The following TMEM214 variants were observed in gnomAD, a reference collection of about 807,000 sequenced individuals.
TMEM214 encodes transmembrane protein 214.
A neutral mutation model predicts 89.8 loss-of-function variants in TMEM214; 71 were observed. The ratio of observed to expected loss-of-function variants is 0.79; its 90% CI spans 0.65 to 0.96. The LOEUF is 0.96. Ranked by LOEUF, TMEM214 falls within the 40% of genes least tolerant of loss-of-function variation. TMEM214 has a pLI of 0.00. For missense variants in TMEM214, 754 were observed against 843.4 expected, an observed-to-expected ratio of 0.89 and a Z score of 1.31; for synonymous variants, 332 against 349.5, an observed-to-expected ratio of 0.95 and a Z score of 0.56.
rs2148248067 is a variant in TMEM214 at position 27,039,097 on chromosome 2, C to T, written c.1458C>T (p.Leu486=). The T allele has an allele frequency of 2.5e-6, 4 of 1,613,828 alleles. No individual in the cohort carries two copies. The East Asian group carries it at 6.7e-5, about 27-fold the overall frequency. ...QGPRLPWTRL[L]LLLLVFAVGF... is the part of the protein sequence containing the mutation. Reference sequence around the variant, plus strand: ...CTCGGCTGCCCTGGACGCGGCTCCTCCTGTTGCTGCTGGTCTTCGCTGTAG... The same window carrying T: ...CTCGGCTGCCCTGGACGCGGCTCCTTCTGTTGCTGCTGGTCTTCGCTGTAG... Residue 486 remains leucine, a synonymous_variant, in exon 13 of 17, where the codon CTC becomes CTT. Coordinates refer to ENST00000238788, the MANE Select transcript of TMEM214 (RefSeq NM_017727.5).
chr2:27,034,091 T>C lies in TMEM214; in HGVS notation c.176T>C (p.Leu59Pro). ...GCTGCAATCCAGACCACAAGCACCC[T>C]TTATGAGCGGGGCTTTGAGAATATC... ...LTPAIQTTSTLYERGFENIMK... is the reference protein window; with the variant it reads ...LTPAIQTTSTPYERGFENIMK... Residue 59 changes from leucine to proline, a missense_variant, in exon 2 of 17, where the codon CTT (leucine) becomes CCT (proline). Leu to Pro is a moderately conservative substitution (Grantham distance 98, BLOSUM62 -3). Coordinates refer to ENST00000238788, the MANE Select transcript of TMEM214 (RefSeq NM_017727.5). 1 of 1,614,066 alleles carries C rather than the reference T, an allele frequency of 6.2e-7. No individual in the cohort carries two copies. The highest frequency in any genetic ancestry group is 8.5e-7 in the Non-Finnish European group (1 of 1,180,008).
chr2:27,039,813 A>C lies in TMEM214; in HGVS notation c.1598A>C (p.Tyr533Ser), dbSNP rs371208030. Reference sequence around the variant, plus strand: ...AGCCAACAAGCGTGTGCCAAGCTCTACTCCTACAGTCTGCAAGGCTACAGG... The same window carrying C: ...AGCCAACAAGCGTGTGCCAAGCTCTCCTCCTACAGTCTGCAAGGCTACAGG... ...PASQQACAKLYSYSLQGYSWL... is the reference protein window; with the variant it reads ...PASQQACAKLSSYSLQGYSWL... The change falls in exon 14 of 17, where the codon TAC (tyrosine) becomes TCC (serine). Residue 533 changes from tyrosine to serine, a missense_variant. Physicochemically the swap from Tyr to Ser is moderately radical, Grantham distance 144. Transcript: ENST00000238788. 3 of 1,613,882 alleles carry C rather than the reference A, an allele frequency of 1.9e-6. No individual in the cohort carries two copies. The highest frequency in any genetic ancestry group is 1.3e-5 in the African/African-American group (1 of 74,852).
chr2:27,033,216 T>C, intron 1 of TMEM214, 50 bp downstream of exon 1: 1 of 1,243,566 alleles, frequency 8.0e-7, no homozygotes, highest in Non-Finnish European at 1.0e-6. Flanking sequence ...TCCGGCAGGG[T>C]CGCAGCGAGC....
rs200582235 is a variant in TMEM214, at chr2:27,035,601, C to G, written c.510C>G (p.Pro170=). 496 of 1,614,198 alleles carry G rather than the reference C, an allele frequency of 3.1e-4. 10 individuals are homozygous for G. In the South Asian group the frequency reaches 5.1e-3, roughly 17 times the overall value. The change falls in exon 4 of 17, where the codon CCC becomes CCG. Residue 170 remains proline (P), a synonymous_variant. Transcript: ENST00000238788. ...GAGGCCTATGGGCCTTAGATTATCC[C>G]TACAGCCTGGTGAGCCGGGAGCTAC... is the stretch of plus-strand genomic sequence containing the variant. ...PTLSQHTHDY[P]YSLVSRELRG...
intron 2 of TMEM214, 45 bp downstream of exon 2, chr2:27,034,311 G>A (rs1029212891): frequency 6.3e-7 from 1 of 1,598,264 alleles, no homozygotes; most frequent in Non-Finnish European, 8.5e-7. Context: ...GGGGGCTTGA[G>A]ATTTAGAGAA....
In TMEM214 at chr2:27,035,628, T is replaced by C. The variant is rs2148241351; in HGVS notation, c.537T>C (p.Arg179=). ...YPYSLVSREL[R]GIIRGLLAKA... ...ACAGCCTGGTGAGCCGGGAGCTACG[T>C]GGGATCATCCGAGGGCTGCTGGCGA... Residue 179 remains arginine (R), a synonymous_variant, in exon 4 of 17, where the codon CGT becomes CGC. Transcript: ENST00000238788. 1 of 1,614,186 alleles carries C rather than the reference T, an allele frequency of 6.2e-7. No individual in the cohort carries two copies. Among genetic ancestry groups the C allele is most frequent in the East Asian group, 2.2e-5 (1 of 44,878 alleles).
At chr2:27,040,221 A>C in intron 15 of TMEM214, 23 bp downstream of exon 15, 1 of 1,605,146 alleles carries the variant, frequency 6.2e-7, no homozygotes, top group Non-Finnish European at 8.5e-7. Flanking sequence ...CAGGGAGTCA[A>C]ATAAGGGGCT....
At position 27,034,176 on chromosome 2, in the gene TMEM214, G is replaced by A. The variant is rs374840990; in HGVS notation, c.261G>A (p.Gly87=). ...PPPAVEPKKP[G]NKKQPKKVAT... Reference sequence around the variant, plus strand: ...CTGCTGTGGAACCTAAGAAACCAGGGAACAAGAAGCAGCCAAAGAAGGTGG... The same window carrying A: ...CTGCTGTGGAACCTAAGAAACCAGGAAACAAGAAGCAGCCAAAGAAGGTGG... The change falls in exon 2 of 17, where the codon GGG becomes GGA. Residue 87 remains glycine, a synonymous_variant. Transcript: ENST00000238788. The A allele has an allele frequency of 3.5e-5, 56 of 1,614,168 alleles. No homozygotes were observed. The African/African-American group carries it at 6.9e-4, about 20-fold the overall frequency.
chr2:27,039,929 A>G lies in TMEM214; in HGVS notation c.1622+92A>G, dbSNP rs539865014. Reference sequence around the variant, plus strand: ...CGACAGTCAGTGGGAAGCGCTTGTGATTCTCCTTTCCCACGGCCTCCCTTT... The same window carrying G: ...CGACAGTCAGTGGGAAGCGCTTGTGGTTCTCCTTTCCCACGGCCTCCCTTT... On this transcript the variant is annotated intron_variant, in intron 14 of 16. Transcript: ENST00000238788. 8 of 1,597,354 alleles carry G rather than the reference A, an allele frequency of 5.0e-6. No individual in the cohort carries two copies. In the South Asian group the frequency reaches 7.7e-5, roughly 15 times the overall value.
In TMEM214 at chr2:27,038,295, T is replaced by C; in HGVS notation, c.1244+58T>C. 1 of 1,592,152 alleles carries C rather than the reference T, an allele frequency of 6.3e-7. No individual in the cohort carries two copies. Among genetic ancestry groups the C allele is most frequent in the Non-Finnish European group, 8.6e-7 (1 of 1,161,492 alleles). On this transcript the variant is annotated intron_variant, in intron 10 of 16. Transcript: ENST00000238788. This position sits in a 1 kb window ranked among gnomAD's most constrained non-coding sequence, Gnocchi z 4.4. Reference sequence around the variant, plus strand: ...GCTAGAAGCAGAAGGGGAGCCTGGGTCACTGTCCCATGGCCTGACACCTTT... The same window carrying C: ...GCTAGAAGCAGAAGGGGAGCCTGGGCCACTGTCCCATGGCCTGACACCTTT...
chr2:27,038,114 C>A lies in TMEM214; in HGVS notation c.1153-32C>A, dbSNP rs756191712. Reference sequence around the variant, plus strand: ...CCCCGCCTCTGCCAGCCCCATGCCCCCAGCAGCCTCTCCCTCTGTCGTGCT... The same window carrying A: ...CCCCGCCTCTGCCAGCCCCATGCCCACAGCAGCCTCTCCCTCTGTCGTGCT... On this transcript the variant is annotated intron_variant, in intron 9 of 16. Transcript: ENST00000238788. This position sits in a 1 kb window ranked among gnomAD's most constrained non-coding sequence, Gnocchi z 4.4. The A allele has an allele frequency of 1.2e-5, 19 of 1,613,920 alleles. No homozygotes were observed. In the East Asian group the frequency reaches 4.2e-4, roughly 36 times the overall value.
chr2:27,037,493 A>C lies in TMEM214; in HGVS notation c.1011-68A>C, dbSNP rs143892431. 10,684 of 1,599,954 alleles carry C rather than the reference A, an allele frequency of 6.7e-3. 43 individuals are homozygous for C. Among genetic ancestry groups the C allele is most frequent in the Non-Finnish European group, 8.0e-3 (9,303 of 1,168,998 alleles). On this transcript the variant is annotated intron_variant, in intron 8 of 16. Transcript: ENST00000238788. Reference sequence around the variant, plus strand: ...ACAGGCAGGCATGGGCTCTGAAGCAAGCAAAAGGTTCATATCATACAGCTC... The same window carrying C: ...ACAGGCAGGCATGGGCTCTGAAGCACGCAAAAGGTTCATATCATACAGCTC...
chr2:27,039,785 G>A lies in TMEM214; in HGVS notation c.1570G>A (p.Ala524Thr), dbSNP rs1241769447. Residue 524 changes from alanine to threonine, a missense_variant, in exon 14 of 17, where the codon GCT becomes ACT. Physicochemically the swap from Ala to Thr is moderately conservative, Grantham distance 58. Transcript: ENST00000238788. The part of the protein sequence containing the change: ...RLLRSSGFLP[A>T]SQQACAKLYS... ...GCTTCGATCATCTGGCTTCTTACCT[G>A]CTAGCCAACAAGCGTGTGCCAAGCT... 5.0e-6 allele frequency: 8 copies of A among 1,614,064 alleles called. No individual in the cohort carries two copies. Among genetic ancestry groups the A allele is most frequent in the Non-Finnish European group, 5.9e-6 (7 of 1,180,048 alleles).
At chr2:27,039,413 T>C in intron 13 of TMEM214, 1 of 591,214 alleles carries the variant, frequency 1.7e-6, no homozygotes, top group Middle Eastern at 4.5e-4. Context: ...TACCTCCTTT[T>C]AACTCCTGAG....
chr2:27,033,676 A>C lies in TMEM214; in HGVS notation c.152-391A>C, dbSNP rs1426952649. On this transcript the variant is annotated intron_variant, in intron 1 of 16. Coordinates refer to ENST00000238788, the MANE Select transcript of TMEM214 (RefSeq NM_017727.5). ...CACTGAGGAGTGGAGAAAGATTGCC[A>C]CTTGTTGATTATAGAGTTGTCATGT... 2.6e-5 allele frequency among the ~76,000 whole-genome samples: 4 copies of C among 152,136 alleles called. No individual in the cohort carries two copies. In the South Asian group the frequency reaches 8.3e-4, roughly 32 times the overall value.
chr2:27,037,821 G>C (rs780409800), intron 9 of TMEM214, 119 bp downstream of exon 9: 3 of 1,597,864 alleles, frequency 1.9e-6, no homozygotes, highest in Non-Finnish European at 2.6e-6. Context: ...TTAGCTCCCT[G>C]TTGACAGCTG....
chr2:27,037,809 C>T, intron 9 of TMEM214, 107 bp downstream of exon 9: 1 of 1,606,468 alleles, frequency 6.2e-7, no homozygotes, highest in South Asian at 1.1e-5. Context: ...TGAGGCTTTT[C>T]CTTAGCTCCC....
At chr2:27,037,360 A>G (rs1157698393) in intron 8 of TMEM214, among the ~76,000 whole-genome samples, 182 bp downstream of exon 8, 2 of 152,052 alleles carry the variant, frequency 1.3e-5, no homozygotes, top group East Asian at 1.9e-4. Flanking sequence ...TGTGATTGGC[A>G]TATGGGCATT....
In TMEM214 at chr2:27,037,675, T is replaced by C. The variant is rs572810107; in HGVS notation, c.1125T>C (p.Pro375=). ...YFPSFLSRAT[P]SCPPEMKKEL... Reference sequence around the variant, plus strand: ...CTTCTTTCCTGTCCAGAGCCACCCCTAGCTGTCCCCCTGAGATGAAGAAAG... The same window carrying C: ...CTTCTTTCCTGTCCAGAGCCACCCCCAGCTGTCCCCCTGAGATGAAGAAAG... The change falls in exon 9 of 17, where the codon CCT becomes CCC. Residue 375 remains proline, a synonymous_variant. Transcript: ENST00000238788. 116 of 1,614,152 alleles carry C rather than the reference T, an allele frequency of 7.2e-5. 1 individual carries two copies. The South Asian group carries it at 1.2e-3, about 17-fold the overall frequency.
Sources: allele counts gnomAD v4.1 joint callset (sites outside exome capture counted in the v4.1 genomes callset), GRCh38; gene constraint gnomAD v4.1.1; non-coding constraint Gnocchi (gnomAD v3.1); transcripts MANE v1.5; gene names NCBI Gene and HGNC (gene_info 2026-07-23, HGNC 2026-07-21).